Variants in ADCK1 observed in about 807,000 individuals in gnomAD.
ADCK1 encodes aarF domain-containing protein kinase 1.
Under a neutral mutation model 52.3 loss-of-function variants are expected in ADCK1, and 41 were observed. That is an observed-to-expected ratio of 0.78 (90% confidence interval 0.61 to 1.02). ADCK1 has a LOEUF of 1.02. Among genes scored for constraint, ADCK1 ranks in the 50% least tolerant of loss-of-function variants. The pLI is 0.00. For synonymous variants in ADCK1, 250 were observed against 274.6 expected, an observed-to-expected ratio of 0.91 and a Z score of 0.89; for missense variants, 658 against 679.5, an observed-to-expected ratio of 0.97 and a Z score of 0.35.
At chr14:77,922,386 G>A (rs1479085002) in intron 7 of ADCK1, among the ~76,000 whole-genome samples, 5 of 152,220 alleles carry the variant, frequency 3.3e-5, no homozygotes, top group African/African-American at 9.6e-5. Context: ...GAGGGCTGGC[G>A]TGGTAGCGGG....
chr14:77,804,658 G>A (rs2081181730), intron 1 of ADCK1, among the ~76,000 whole-genome samples: 1 of 152,054 alleles, frequency 6.6e-6, no homozygotes, highest in African/African-American at 2.4e-5. Context: ...TCAGCCCAGG[G>A]CATGTGGTTT....
At chr14:77,865,849 T>A (rs1331927701) in intron 4 of ADCK1, among the ~76,000 whole-genome samples, 3 of 152,218 alleles carry the variant, frequency 2.0e-5, no homozygotes, top group African/African-American at 7.2e-5. Flanking sequence ...TTGTGGAGCA[T>A]CTAGTGCAAG....
At chr14:77,864,632 T>A (rs2140150586) in intron 4 of ADCK1, among the ~76,000 whole-genome samples, 1 of 97,256 alleles carries the variant, frequency 1.0e-5, no homozygotes, top group South Asian at 3.8e-4. Context: ...CAATAGGATA[T>A]GAATGTGTGT....
At chr14:77,815,877 G>A (rs983028642) in intron 1 of ADCK1, among the ~76,000 whole-genome samples, 2 of 145,858 alleles carry the variant, frequency 1.4e-5, no homozygotes, top group Admixed American at 1.4e-4. Context: ...GTGCAGTGGT[G>A]CGATCTCAGC....
chr14:77,805,737 G>A (rs1173632112), intron 1 of ADCK1, among the ~76,000 whole-genome samples: 1 of 152,104 alleles, frequency 6.6e-6, no homozygotes, highest in East Asian at 1.9e-4. Context: ...GGTAGGGCAT[G>A]AGACCCTAGA....
At chr14:77,809,646 T>C (rs1463669391) in intron 1 of ADCK1, among the ~76,000 whole-genome samples, 1 of 152,096 alleles carries the variant, frequency 6.6e-6, no homozygotes, top group Non-Finnish European at 1.5e-5. Flanking sequence ...TATTAATTAT[T>C]TGACGTTATG....
intron 4 of ADCK1, among the ~76,000 whole-genome samples, chr14:77,859,692 G>A (rs1566675256): frequency 6.6e-6 from 1 of 152,184 alleles, no homozygotes; most frequent in African/African-American, 2.4e-5. Flanking sequence ...CTAGAGCCAA[G>A]AGCTTGGACC....
intron 3 of ADCK1, among the ~76,000 whole-genome samples, chr14:77,844,118 A>C (rs1456274451): frequency 6.6e-6 from 1 of 151,622 alleles, no homozygotes; most frequent in Non-Finnish European, 1.5e-5. Context: ...CTCAGGCTGG[A>C]GTGCAGTGAT....
At chr14:77,899,055 GTATATGC>G in intron 5 of ADCK1, 38 bp from the exon 6 acceptor site, 1 of 1,610,788 alleles carries the variant, frequency 6.2e-7, no homozygotes, top group Non-Finnish European at 8.5e-7. Flanking sequence ...ATGTCCCTTG[GTATATGC>G]TGTGGGCCAA....
rs1361885839 is a variant in ADCK1, at chr14:77,819,497, A to G, written c.135+384A>G. Among the ~76,000 whole-genome samples, 4 of 152,308 alleles carry G rather than the reference A, an allele frequency of 2.6e-5. No individual in the cohort carries two copies. The East Asian group carries it at 7.7e-4, about 29-fold the overall frequency. ...AAGGAGGACTTTACAGTTTTGATTA[A>G]ATTCTACTAGAAAACTCAATCCCTC... On this transcript the variant is annotated intron_variant, in intron 2 of 10. Coordinates refer to ENST00000238561, the MANE Select transcript of ADCK1 (RefSeq NM_020421.4).
intron 9 of ADCK1, among the ~76,000 whole-genome samples, chr14:77,930,022 C>T (rs973714418): frequency 1.8e-4 from 27 of 152,086 alleles, no homozygotes; most frequent in Non-Finnish European, 7.4e-5. Context: ...CTGCAGACAC[C>T]CACCATCAGG....
chr14:77,801,061 T>A (rs1451331771), intron 1 of ADCK1, among the ~76,000 whole-genome samples: 1 of 152,116 alleles, frequency 6.6e-6, no homozygotes, highest in Non-Finnish European at 1.5e-5. Flanking sequence ...GAGACTCCCG[T>A]CTGTATTAAA....
chr14:77,845,159 A>G (rs991273456), intron 3 of ADCK1, among the ~76,000 whole-genome samples: 1 of 152,212 alleles, frequency 6.6e-6, no homozygotes, highest in African/African-American at 2.4e-5. Flanking sequence ...TTTTCTTCTG[A>G]ATTATACTGG....
At chr14:77,800,858 A>G (rs2081094149) in intron 1 of ADCK1, among the ~76,000 whole-genome samples, 4 of 152,250 alleles carry the variant, frequency 2.6e-5, no homozygotes, top group African/African-American at 9.6e-5. Flanking sequence ...GATACTTGGC[A>G]CTTAGTAGGT....
chr14:77,805,907 C>T lies in ADCK1; in HGVS notation c.-12+5737C>T, dbSNP rs562689198. 4.0e-5 allele frequency among the ~76,000 whole-genome samples: 6 copies of T among 151,060 alleles called. No homozygotes were observed. In the South Asian group the frequency reaches 1.3e-3, roughly 32 times the overall value. On this transcript the variant is annotated intron_variant, in intron 1 of 10. Transcript: ENST00000238561. Reference sequence around the variant, plus strand: ...AATCTTGTGACCTCTGATCACGTGACTCCTGAGCAGTAAGGGATTATAGAA... The same window carrying T: ...AATCTTGTGACCTCTGATCACGTGATTCCTGAGCAGTAAGGGATTATAGAA...
chr14:77,855,990 A>G (rs1462435473), intron 3 of ADCK1, among the ~76,000 whole-genome samples: 3 of 152,168 alleles, frequency 2.0e-5, no homozygotes, highest in African/African-American at 4.8e-5. Context: ...TGGGTGGATC[A>G]CTTGAGCTCA....
intron 4 of ADCK1, among the ~76,000 whole-genome samples, chr14:77,859,867 G>A (rs548798972): frequency 6.6e-6 from 1 of 152,332 alleles, no homozygotes; most frequent in South Asian, 2.1e-4. Context: ...TAGTAATGGT[G>A]TTCTATACTA....
At chr14:77,844,306 C>A (rs2082132334) in intron 3 of ADCK1, among the ~76,000 whole-genome samples, 1 of 152,126 alleles carries the variant, frequency 6.6e-6, no homozygotes, top group Non-Finnish European at 1.5e-5. Context: ...TGATCTTGAT[C>A]TCCTGACCAC....
At chr14:77,811,449 A>T (rs115014989) in intron 1 of ADCK1, among the ~76,000 whole-genome samples, 2,065 of 152,132 alleles carry the variant, frequency 0.014, 45 homozygotes, top group African/African-American at 0.047. Flanking sequence ...CCATGCCAGG[A>T]CTCAAACCTG....
Sources: gnomAD v4.1 joint callset for allele counts (sites outside exome capture counted in the v4.1 genomes callset) on GRCh38, gnomAD v4.1.1 for gene constraint, MANE v1.5 for transcripts, NCBI Gene and HGNC (gene_info 2026-07-23, HGNC 2026-07-21) for gene names.